The following ZC3H13 variants were observed in gnomAD, a reference collection of about 807,000 sequenced individuals.
The protein encoded by ZC3H13 is zinc finger CCCH-type containing 13, also known as zinc finger CCCH domain-containing protein 13.
ZC3H13 carries 64 observed loss-of-function variants against 204.1 expected under a neutral mutation model. That is an observed-to-expected ratio of 0.31 (90% CI 0.26 to 0.39). The LOEUF is 0.39. Ranked by LOEUF, ZC3H13 falls within the 10% of genes least tolerant of loss-of-function variation. The probability of loss-of-function intolerance (pLI) is 1.00; values close to 1 mark genes in which losing one functional copy is unlikely to be tolerated. For missense variants in ZC3H13, 1,833 were observed against 2,082.7 expected (o/e 0.88, Z 2.33); for synonymous variants, 667 against 693.7 (o/e 0.96, Z 0.60).
chr13:45,966,549 T>G (rs183003974), intron 15 of ZC3H13, among the ~76,000 whole-genome samples: 2 of 152,300 alleles, frequency 1.3e-5, no homozygotes, highest in East Asian at 3.9e-4. Flanking sequence ...CTATATTATC[T>G]GTGATCATAA....
chr13:45,999,481 T>C (rs1253520027), intron 8 of ZC3H13, among the ~76,000 whole-genome samples: 4 of 152,260 alleles, frequency 2.6e-5, no homozygotes, highest in Non-Finnish European at 5.9e-5. Context: ...TGTTCATCCA[T>C]ATGATGCAAC....
At chr13:45,983,414 T>TATATATATATATATATA (rs10678022) in intron 10 of ZC3H13, among the ~76,000 whole-genome samples, 9 of 20,546 alleles carry the variant, frequency 4.4e-4, no homozygotes, top group East Asian at 2.0e-3. Context: ...TATATATATA[T>TATATATATATATATATA]TTTTTTTTTT....
intron 4 of ZC3H13, among the ~76,000 whole-genome samples, chr13:46,033,648 T>C (rs1286104411): frequency 2.0e-5 from 3 of 152,122 alleles, no homozygotes; most frequent in Non-Finnish European, 4.4e-5. Flanking sequence ...CAATGACTAA[T>C]CTAGCGGTAA....
In ZC3H13 at chr13:45,955,164, T is replaced by C. The variant is rs1343843142; in HGVS notation, c.*1963A>G. The C allele has an allele frequency of 2.6e-5, 4 of 152,158 alleles. No homozygotes were observed. The highest frequency in any genetic ancestry group is 9.7e-5 in the African/African-American group (4 of 41,434). The allele number at this position is 152,158 out of a possible 1,614,324, so 9.4% of individuals were successfully genotyped here. A position where few individuals can be genotyped will look rare whatever the true frequency, so the allele number is the denominator to read the frequency against. ...AGCAAACAATTTATAGACTGGAAGATTGTTTTTCGGGAATACCAGTTTAAC... is the reference window on the plus strand; with the variant it reads ...AGCAAACAATTTATAGACTGGAAGACTGTTTTTCGGGAATACCAGTTTAAC... On this transcript the variant is annotated 3_prime_UTR_variant, in exon 19 of 19. Transcript: ENST00000679008.
At chr13:45,993,022 T>C (rs1053688709) in intron 8 of ZC3H13, among the ~76,000 whole-genome samples, 1 of 152,136 alleles carries the variant, frequency 6.6e-6, no homozygotes, top group Non-Finnish European at 1.5e-5. Context: ...ATTCTAGACA[T>C]ATCTTCTACT....
chr13:46,032,159 G>C (rs775068443), intron 4 of ZC3H13, among the ~76,000 whole-genome samples: 6 of 152,158 alleles, frequency 3.9e-5, no homozygotes, highest in Non-Finnish European at 7.4e-5. Flanking sequence ...TGATAGTGGT[G>C]CAAGTCCTGC....
intron 4 of ZC3H13, among the ~76,000 whole-genome samples, chr13:46,029,498 G>A (rs1043556415): frequency 4.1e-5 from 6 of 146,810 alleles, no homozygotes; most frequent in African/African-American, 1.0e-4. Context: ...GCGCGATCTC[G>A]GCTCACTGCA....
In ZC3H13 at chr13:45,975,751, C is replaced by G. The variant is rs780971711; in HGVS notation, c.2000G>C (p.Arg667Thr). ...CCTTTCATCTCTCCTATCATCCACTCTGTCTACTCTTCGTTCCTCTCTTCT... is the reference window on the plus strand; with the variant it reads ...CCTTTCATCTCTCCTATCATCCACTGTGTCTACTCTTCGTTCCTCTCTTCT... Reference protein sequence around the residue: ...DERREERRVDRVDDRRDERAR... With the variant: ...DERREERRVDTVDDRRDERAR... The change falls in exon 12 of 19, where the codon AGA becomes ACA. Residue 667 changes from arginine to threonine, a missense_variant. Physicochemically the swap from Arg to Thr is moderately conservative, Grantham distance 71 (BLOSUM62 -1). This residue lies in a region of ZC3H13 where 1,574 missense variants were observed against 1,757.2 expected (regional missense o/e 0.90). Transcript: ENST00000679008. 3.1e-6 allele frequency: 5 copies of G among 1,614,040 alleles called. No homozygotes were observed. Among genetic ancestry groups the G allele is most frequent in the East Asian group, 4.5e-5 (2 of 44,872 alleles).
rs1356950541 is a variant in ZC3H13 at position 46,002,462 on chromosome 13, T to TA, written c.944+676dup. ...AAGCAGGGTCTCAAAAGGGATTATT[T>TA]ACACATTCATGCTCATAGCAGCACT... On this transcript the variant is annotated intron_variant, in intron 8 of 18. Transcript: ENST00000679008. 2.0e-5 allele frequency among the ~76,000 whole-genome samples: 3 copies of TA among 152,292 alleles called. No individual in the cohort carries two copies. In the East Asian group the frequency reaches 5.8e-4, roughly 29 times the overall value.
intron 7 of ZC3H13, among the ~76,000 whole-genome samples, chr13:46,005,095 T>A (rs1180108523): frequency 1.3e-5 from 2 of 152,200 alleles, no homozygotes; most frequent in Non-Finnish European, 2.9e-5. Flanking sequence ...ATCAAATTTT[T>A]TACTATTCAG....
chr13:46,011,769 G>A (rs1036334885), intron 5 of ZC3H13, among the ~76,000 whole-genome samples: 7 of 152,144 alleles, frequency 4.6e-5, no homozygotes, highest in Admixed American at 2.0e-4. Flanking sequence ...AAATATTTTG[G>A]AAGTTTCTGG....
At chr13:45,987,206 G>C (rs1199903617) in intron 9 of ZC3H13, among the ~76,000 whole-genome samples, 1 of 152,116 alleles carries the variant, frequency 6.6e-6, no homozygotes, top group East Asian at 1.9e-4. Context: ...TAAATAGAGA[G>C]GAACAATTGC....
At position 46,028,734 on chromosome 13, in the gene ZC3H13, T is replaced by A. The variant is rs528457003; in HGVS notation, c.340-8177A>T. Among the ~76,000 whole-genome samples, 82 of 152,142 alleles carry A rather than the reference T, an allele frequency of 5.4e-4. No homozygotes were observed. The Middle Eastern group carries it at 0.014, about 25-fold the overall frequency. ...GGTCAAAGAAGAAATTGCAAAAAAA[T>A]TTTTAAAATATTTTAAACTAAATGA... On this transcript the variant is annotated intron_variant, in intron 4 of 18. Transcript: ENST00000679008.
chr13:46,051,017 G>A (rs2044370357), intron 1 of ZC3H13, among the ~76,000 whole-genome samples: 1 of 152,176 alleles, frequency 6.6e-6, no homozygotes, highest in African/African-American at 2.4e-5. Flanking sequence ...GAGAGATGAG[G>A]AGGTGAGGAA....
intron 3 of ZC3H13, among the ~76,000 whole-genome samples, chr13:46,043,813 A>G (rs2043753410): frequency 6.6e-6 from 1 of 152,018 alleles, no homozygotes; most frequent in African/African-American, 2.4e-5. Context: ...ATTTTTCTCA[A>G]AATGATTTCT....
At chr13:46,011,891 G>A (rs1027745024) in intron 5 of ZC3H13, among the ~76,000 whole-genome samples, 1 of 152,086 alleles carries the variant, frequency 6.6e-6, no homozygotes, top group African/African-American at 2.4e-5. Context: ...AGATACCAAA[G>A]CCTTCAATAT....
intron 8 of ZC3H13, among the ~76,000 whole-genome samples, chr13:45,993,695 A>C (rs2040126776): frequency 2.0e-5 from 3 of 152,160 alleles, no homozygotes; most frequent in Non-Finnish European, 4.4e-5. Flanking sequence ...AAAAAAGAAA[A>C]TGCTTCTGTG....
intron 17 of ZC3H13, among the ~76,000 whole-genome samples, chr13:45,959,944 A>C (rs1374560445): frequency 1.3e-5 from 2 of 151,708 alleles, no homozygotes; most frequent in Non-Finnish European, 2.9e-5. Flanking sequence ...TTAATTTTAA[A>C]CAATTTATTT....
chr13:45,984,145 T>C (rs1276984624), intron 10 of ZC3H13, among the ~76,000 whole-genome samples: 2 of 152,242 alleles, frequency 1.3e-5, no homozygotes, highest in Non-Finnish European at 2.9e-5. Context: ...AAAGATATTT[T>C]TACTAGTTGA....
Sources: allele counts gnomAD v4.1 joint callset (sites outside exome capture counted in the v4.1 genomes callset), GRCh38; gene constraint gnomAD v4.1.1; regional missense constraint gnomAD v4.1.1; transcripts MANE v1.5; gene names NCBI Gene and HGNC (gene_info 2026-07-23, HGNC 2026-07-21).